The following RAP1GDS1 variants were observed in gnomAD, a reference collection of about 807,000 sequenced individuals.
The protein encoded by RAP1GDS1 is Rap1 GTPase-GDP dissociation stimulator 1, also known as RAP1, GTP-GDP dissociation stimulator 1.
Under a neutral mutation model 71.1 loss-of-function variants are expected in RAP1GDS1, and 35 were observed. That is an observed-to-expected ratio of 0.49 (90% CI 0.38 to 0.65). RAP1GDS1 has a LOEUF of 0.65. Among genes scored for constraint, RAP1GDS1 ranks in the 30% least tolerant of loss-of-function variants. The pLI, the probability that RAP1GDS1 is intolerant of heterozygous loss-of-function variation, is 0.00. For synonymous variants in RAP1GDS1, 229 were observed against 243.1 expected, an observed-to-expected ratio of 0.94 and a Z score of 0.54; for missense variants, 663 against 706.1, an observed-to-expected ratio of 0.94 and a Z score of 0.69.
In RAP1GDS1 at chr4:98,442,669, T is replaced by C; in HGVS notation, c.*552T>C. ...ATTCCAATGCTCTTACTCTTTAACT[T>C]CTGGTTTCTCCTTTTTCCTTTTTAG... On this transcript the variant is annotated 3_prime_UTR_variant, in exon 15 of 15. Coordinates refer to ENST00000408927, the MANE Select transcript of RAP1GDS1 (RefSeq NM_001100427.2). The C allele has an allele frequency of 4.4e-6, 1 of 228,174 alleles. No individual in the cohort carries two copies. 14.1% of individuals were successfully genotyped at this position (228,174 alleles called of 1,614,324 possible).
At chr4:98,396,902 A>G (rs1744629226) in intron 6 of RAP1GDS1, 1 of 150,600 alleles carries the variant, frequency 6.6e-6, no homozygotes, top group Non-Finnish European at 1.5e-5. Context: ...AAAGTGTTAA[A>G]TAACAAATTT....
At position 98,421,353 on chromosome 4, in the gene RAP1GDS1, A is replaced by G. The variant is rs1233374220; in HGVS notation, c.1399A>G (p.Asn467Asp). The G allele has an allele frequency of 1.2e-6, 2 of 1,609,958 alleles. No individual in the cohort carries two copies. The highest frequency in any genetic ancestry group is 2.2e-5 in the East Asian group (1 of 44,770). The change falls in exon 12 of 15, where the codon AAC becomes GAC. Residue 467 changes from asparagine to aspartate, a missense_variant. Coordinates refer to ENST00000408927, the MANE Select transcript of RAP1GDS1 (RefSeq NM_001100427.2). Reference protein sequence around the residue: ...KDHAGVMGESNRLLSALIRHS... With the variant: ...KDHAGVMGESDRLLSALIRHS... ...TCATGCTGGTGTGATGGGGGAGTCA[A>G]ACAGACTGCTGTCTGCCCTTATACG...
intron 7 of RAP1GDS1, among the ~76,000 whole-genome samples, chr4:98,404,933 A>T (rs1439378757): frequency 1.3e-5 from 2 of 152,196 alleles, no homozygotes; most frequent in Non-Finnish European, 2.9e-5. Context: ...TTGGAGTCTC[A>T]GGCCTGCCAA....
chr4:98,276,355 A>G (rs573824504), intron 1 of RAP1GDS1, among the ~76,000 whole-genome samples: 6 of 152,136 alleles, frequency 3.9e-5, no homozygotes, highest in Non-Finnish European at 8.8e-5. Flanking sequence ...TACTCTTTCT[A>G]AAATGTAAAT....
chr4:98,399,573 C>T (rs1195834977), intron 6 of RAP1GDS1, among the ~76,000 whole-genome samples: 1 of 152,116 alleles, frequency 6.6e-6, no homozygotes, highest in Non-Finnish European at 1.5e-5. Context: ...GGACTATAGG[C>T]GTGAACCACT....
intron 5 of RAP1GDS1, among the ~76,000 whole-genome samples, chr4:98,384,765 T>A (rs1742493372): frequency 6.6e-6 from 1 of 151,714 alleles, no homozygotes; most frequent in African/African-American, 2.4e-5. Flanking sequence ...TGAAATTTTA[T>A]CTTAGAAAAA....
At chr4:98,431,284 C>G (rs1750370864) in intron 12 of RAP1GDS1, among the ~76,000 whole-genome samples, 1 of 152,172 alleles carries the variant, frequency 6.6e-6, no homozygotes, top group Non-Finnish European at 1.5e-5. Flanking sequence ...AAGTGGCTCA[C>G]CAACTCAATG....
intron 1 of RAP1GDS1, among the ~76,000 whole-genome samples, chr4:98,262,220 A>G (rs1414992693): frequency 1.3e-5 from 2 of 152,222 alleles, no homozygotes; most frequent in African/African-American, 4.8e-5. Context: ...GGGTGACTAC[A>G]GTGTGCAATA....
At chr4:98,398,038 T>C (rs904018558) in intron 6 of RAP1GDS1, among the ~76,000 whole-genome samples, 2 of 152,098 alleles carry the variant, frequency 1.3e-5, no homozygotes, top group African/African-American at 2.4e-5. Context: ...TTTATTATTA[T>C]TATTATTTTT....
At chr4:98,319,563 T>G (rs1248480588) in intron 2 of RAP1GDS1, among the ~76,000 whole-genome samples, 2 of 151,954 alleles carry the variant, frequency 1.3e-5, no homozygotes, top group African/African-American at 2.4e-5. Context: ...AGCAGATCAC[T>G]TGAGGTCAGG....
intron 14 of RAP1GDS1, chr4:98,441,716 G>A (rs1347707018): frequency 1.9e-5 from 14 of 724,472 alleles, no homozygotes; most frequent in Non-Finnish European, 2.4e-5. Flanking sequence ...GCAGTAAGCT[G>A]TGACCATGCC....
Position 98,421,378 on chromosome 4 carries a change from G to A in RAP1GDS1, c.1424G>A (p.Arg475Gln), listed in dbSNP as rs762197592. 6.3e-6 allele frequency: 10 copies of A among 1,594,362 alleles called. No homozygotes were observed. The highest frequency in any genetic ancestry group is 2.3e-5 in the South Asian group (2 of 86,746). ...ESNRLLSALI[R>Q]HSKSKDVIKT... is the part of the protein sequence containing the mutation. Reference sequence around the variant, plus strand: ...AACAGACTGCTGTCTGCCCTTATACGACACAGTAAATCAAAAGTAAGTTCC... The same window carrying A: ...AACAGACTGCTGTCTGCCCTTATACAACACAGTAAATCAAAAGTAAGTTCC... The change falls in exon 12 of 15, where the codon CGA becomes CAA. Residue 475 changes from arginine (R) to glutamine (Q), a missense_variant. Coordinates refer to ENST00000408927, the MANE Select transcript of RAP1GDS1 (RefSeq NM_001100427.2).
intron 4 of RAP1GDS1, among the ~76,000 whole-genome samples, chr4:98,366,717 T>TA (rs1739552602): frequency 6.6e-6 from 1 of 152,170 alleles, no homozygotes; most frequent in African/African-American, 2.4e-5. Context: ...TGATTCTTGT[T>TA]ATGTTTTAGC....
chr4:98,302,050 A>G (rs1156960178), intron 2 of RAP1GDS1, among the ~76,000 whole-genome samples: 1 of 152,184 alleles, frequency 6.6e-6, no homozygotes, highest in Non-Finnish European at 1.5e-5. Context: ...AAAAAATTAT[A>G]CACTGAATAG....
intron 2 of RAP1GDS1, among the ~76,000 whole-genome samples, chr4:98,334,918 A>C (rs1209859093): frequency 8.4e-5 from 9 of 106,516 alleles, no homozygotes; most frequent in Non-Finnish European, 1.5e-4. Flanking sequence ...CAAAGTAAGC[A>C]AAAAAAAAAA....
At chr4:98,320,375 G>C (rs1046561010) in intron 2 of RAP1GDS1, among the ~76,000 whole-genome samples, 12 of 152,334 alleles carry the variant, frequency 7.9e-5, no homozygotes, top group South Asian at 4.1e-4. Context: ...ATCTGGAGAA[G>C]AGCTGTTTGA....
intron 7 of RAP1GDS1, among the ~76,000 whole-genome samples, chr4:98,407,172 T>C (rs1182908422): frequency 1.3e-5 from 2 of 152,142 alleles, no homozygotes; most frequent in East Asian, 3.9e-4. Flanking sequence ...TGATAATCTT[T>C]TGTATTTCTG....
intron 1 of RAP1GDS1, among the ~76,000 whole-genome samples, chr4:98,273,162 A>G (rs1206613597): frequency 6.6e-6 from 1 of 152,166 alleles, no homozygotes; most frequent in Admixed American, 6.6e-5. Flanking sequence ...TATGTTCATT[A>G]GCAGTTCCTG....
chr4:98,294,369 T>C (rs1419773166), intron 2 of RAP1GDS1, among the ~76,000 whole-genome samples: 1 of 152,098 alleles, frequency 6.6e-6, no homozygotes, highest in Non-Finnish European at 1.5e-5. Context: ...TTTTATTTTT[T>C]AGTAAACCTT....
Sources: gnomAD v4.1 joint callset for allele counts (sites outside exome capture counted in the v4.1 genomes callset) on GRCh38, gnomAD v4.1.1 for gene constraint, MANE v1.5 for transcripts, NCBI Gene and HGNC (gene_info 2026-07-23, HGNC 2026-07-21) for gene names.